Variants in SCN8A observed in about 807,000 individuals in gnomAD.
SCN8A encodes sodium voltage-gated channel alpha subunit 8.
SCN8A carries 30 observed loss-of-function variants against 184.1 expected under a neutral mutation model. The observed-to-expected ratio is 0.16, with a 90% CI of 0.12 to 0.22. The LOEUF (loss-of-function observed/expected upper bound fraction) is 0.22. Ranked by LOEUF, SCN8A falls within the 10% of genes least tolerant of loss-of-function variation. SCN8A has a pLI of 1.00. For missense variants in SCN8A, 1,057 were observed against 2,498.9 expected (o/e 0.42, Z 12.30); for synonymous variants, 852 against 907.0 (o/e 0.94, Z 1.09).
At chr12:51,601,388 G>A (rs530371483) in intron 1 of SCN8A, among the ~76,000 whole-genome samples, 2 of 151,722 alleles carry the variant, frequency 1.3e-5, no homozygotes, top group African/African-American at 4.8e-5. Flanking sequence ...AAGAAGTGTA[G>A]TAGGGAAACA....
Position 51,604,826 on chromosome 12 carries a change from C to T in SCN8A, c.-55+13467C>T, listed in dbSNP as rs141550056. ...GGGATTACAGGCATGAGCCACTGTA[C>T]CAGGCTCCAGTGTTTTTTTTTTTAG... is the stretch of plus-strand genomic sequence containing the variant. On this transcript the variant is annotated intron_variant, in intron 1 of 26. Transcript: ENST00000627620. Among the ~76,000 whole-genome samples the T allele has an allele frequency of 3.1e-3, 477 of 152,218 alleles. 4 individuals are homozygous for T. Among genetic ancestry groups the T allele is most frequent in the African/African-American group, 0.011 (451 of 41,548 alleles).
chr12:51,660,813 G>C (rs149535767), intron 1 of SCN8A, among the ~76,000 whole-genome samples: 1 of 152,324 alleles, frequency 6.6e-6, no homozygotes, highest in Non-Finnish European at 1.5e-5. Flanking sequence ...TAAGGTCATG[G>C]TGGAGTGCTG....
At chr12:51,774,158 C>G in intron 19 of SCN8A, 31 bp from the exon 20 acceptor site, 1 of 1,608,574 alleles carries the variant, frequency 6.2e-7, no homozygotes, top group Non-Finnish European at 8.5e-7. Context: ...CCTTTAGGCA[C>G]TGTCATAGGC....
At chr12:51,717,582 T>TGGGGG (rs1941986883) in intron 11 of SCN8A, among the ~76,000 whole-genome samples, 4 of 152,138 alleles carry the variant, frequency 2.6e-5, no homozygotes, top group African/African-American at 9.7e-5. Flanking sequence ...TGCCCAAACA[T>TGGGGG]ACATGTAAGA....
chr12:51,730,826 C>T (rs1005499521), intron 12 of SCN8A, among the ~76,000 whole-genome samples: 4 of 152,030 alleles, frequency 2.6e-5, no homozygotes, highest in Non-Finnish European at 5.9e-5. Flanking sequence ...TTTTTTTGTA[C>T]CCATTAACTA....
chr12:51,749,259 A>AT (rs1451380940), intron 13 of SCN8A, among the ~76,000 whole-genome samples: 3 of 152,150 alleles, frequency 2.0e-5, no homozygotes, highest in Non-Finnish European at 4.4e-5. Context: ...TGGCTAAGAG[A>AT]TGTCTGGTAT....
rs748012734 is a variant in SCN8A, at chr12:51,794,615, T to G, written c.4769T>G (p.Phe1590Cys). 2 of 1,613,988 alleles carry G rather than the reference T, an allele frequency of 1.2e-6. No homozygotes were observed. The highest frequency in any genetic ancestry group is 1.7e-6 in the Non-Finnish European group (2 of 1,179,878). ...YFTIGWNIFD[F>C]VVVILSIVGM... ...ACCATTGGCTGGAACATCTTCGACTTCGTGGTAGTCATCCTCTCCATTGTG... is the reference window on the plus strand; with the variant it reads ...ACCATTGGCTGGAACATCTTCGACTGCGTGGTAGTCATCCTCTCCATTGTG... Residue 1590 changes from phenylalanine (F) to cysteine (C), a missense_variant, in exon 26 of 27, where the codon TTC (phenylalanine) becomes TGC (cysteine). Physicochemically the swap from Phe to Cys is radical, Grantham distance 205 (BLOSUM62 -2). Transcript: ENST00000627620.
intron 14 of SCN8A, among the ~76,000 whole-genome samples, chr12:51,760,059 A>G (rs1167932386): frequency 6.6e-6 from 1 of 152,098 alleles, no homozygotes; most frequent in Non-Finnish European, 1.5e-5. Flanking sequence ...TGACCTAATC[A>G]CCTCTTATCA....
rs970602097 is a variant in SCN8A at position 51,742,674 on chromosome 12, A to G, written c.1999-3229A>G. The stretch of plus-strand genomic sequence containing the variant: ...GTTTTGTTATTAGATGCCTTGAGGT[A>G]GTCTTCTTTTGGTTAAATCTGCTTG... On this transcript the variant is annotated intron_variant, in intron 12 of 26. Coordinates refer to ENST00000627620, the MANE Select transcript of SCN8A (RefSeq NM_001330260.2). 8.6e-5 allele frequency among the ~76,000 whole-genome samples: 13 copies of G among 150,578 alleles called. 1 individual carries two copies. The highest frequency in any genetic ancestry group is 8.0e-4 in the Admixed American group (12 of 15,058).
Position 51,808,618 on chromosome 12 carries a change from G to T in SCN8A, c.*1189G>T, listed in dbSNP as rs1235394366. On this transcript the variant is annotated 3_prime_UTR_variant, in exon 27 of 27. Coordinates refer to ENST00000627620, the MANE Select transcript of SCN8A (RefSeq NM_001330260.2). Reference sequence around the variant, plus strand: ...GGTAGAGATAAAAGTGCTTTTCAAAGTAGCACCAGTTATCTCTAGGGGTAA... The same window carrying T: ...GGTAGAGATAAAAGTGCTTTTCAAATTAGCACCAGTTATCTCTAGGGGTAA... 1 of 152,230 alleles carries T rather than the reference G, an allele frequency of 6.6e-6. No individual in the cohort carries two copies. The allele number at this position is 152,230 out of a possible 1,614,324, so 9.4% of individuals were successfully genotyped here.
At chr12:51,758,680 C>G (rs1012041521) in intron 14 of SCN8A, among the ~76,000 whole-genome samples, 1 of 152,166 alleles carries the variant, frequency 6.6e-6, no homozygotes, top group Non-Finnish European at 1.5e-5. Flanking sequence ...TCAAGTGATC[C>G]ACCCACCTGG....
At chr12:51,676,797 C>T (rs1171006594) in intron 2 of SCN8A, among the ~76,000 whole-genome samples, 2 of 152,182 alleles carry the variant, frequency 1.3e-5, no homozygotes, top group African/African-American at 4.8e-5. Context: ...ACCTCTGAGC[C>T]CCTAGGTGTT....
intron 12 of SCN8A, among the ~76,000 whole-genome samples, chr12:51,726,313 T>C (rs1322139331): frequency 1.3e-5 from 2 of 152,362 alleles, no homozygotes; most frequent in East Asian, 3.9e-4. Context: ...TGAGAAATCA[T>C]GTTGAGGCAG....
At chr12:51,677,622 C>A (rs774224773) in intron 2 of SCN8A, among the ~76,000 whole-genome samples, 1 of 152,156 alleles carries the variant, frequency 6.6e-6, no homozygotes, top group African/African-American at 2.4e-5. Flanking sequence ...AGATATCTTA[C>A]CCTGAGTTAA....
intron 1 of SCN8A, among the ~76,000 whole-genome samples, chr12:51,653,154 T>A (rs1413013212): frequency 2.6e-5 from 4 of 152,136 alleles, no homozygotes; most frequent in African/African-American, 9.7e-5. Context: ...ACCCAGTCTC[T>A]ACTAAAAATA....
At position 51,772,824 on chromosome 12, in the gene SCN8A, CA is replaced by C. The variant is rs554840715; in HGVS notation, c.3646-1357del. Among the ~76,000 whole-genome samples the C allele has an allele frequency of 5.5e-4, 79 of 144,232 alleles. 1 individual carries two copies. The East Asian group carries it at 0.01, about 18-fold the overall frequency. 94.6% of individuals were successfully genotyped at this position (144,232 alleles called of 152,430 possible). A position where few individuals can be genotyped will look rare whatever the true frequency, so the allele number is the denominator to read the frequency against. On this transcript the variant is annotated intron_variant, in intron 19 of 26. Transcript: ENST00000627620. ...TGAAACCCCATCTCTACTAAAAATA[CA>C]AAAAAAATTAACCGGGCATGGTGTC...
At chr12:51,765,293 T>C (rs1479581118) in intron 15 of SCN8A, among the ~76,000 whole-genome samples, 1 of 152,142 alleles carries the variant, frequency 6.6e-6, no homozygotes, top group Non-Finnish European at 1.5e-5. Context: ...CATACTAGTC[T>C]TTTGGTTTCC....
intron 14 of SCN8A, among the ~76,000 whole-genome samples, chr12:51,754,962 C>T (rs1367211383): frequency 2.6e-5 from 4 of 152,192 alleles, no homozygotes; most frequent in East Asian, 1.9e-4. Flanking sequence ...TGTGAAGTTA[C>T]GCTTTTTCCA....
intron 1 of SCN8A, among the ~76,000 whole-genome samples, chr12:51,593,158 G>A (rs759111507): frequency 6.6e-6 from 1 of 152,136 alleles, no homozygotes; most frequent in Non-Finnish European, 1.5e-5. Context: ...CCCTGAAAGA[G>A]GATTTGGTTG....
Sources: allele counts gnomAD v4.1 joint callset (sites outside exome capture counted in the v4.1 genomes callset), GRCh38; gene constraint gnomAD v4.1.1; transcripts MANE v1.5; gene names NCBI Gene and HGNC (gene_info 2026-07-23, HGNC 2026-07-21).